Variants in TTN observed in about 807,000 individuals in gnomAD.
TTN encodes the protein connectin.
Under a neutral mutation model 3,223.0 loss-of-function variants are expected in TTN, and 1,525 were observed. The ratio of observed to expected loss-of-function variants is 0.47; its 90% CI spans 0.45 to 0.49. The LOEUF is 0.49. Ranked by LOEUF, TTN falls within the 20% of genes least tolerant of loss-of-function variation. The probability of loss-of-function intolerance (pLI) is 0.00; values close to 1 mark genes in which losing one functional copy is unlikely to be tolerated. For synonymous variants in TTN, 14,094 were observed against 15,161.0 expected (o/e 0.93, Z 5.17); for missense variants, 40,786 against 43,424.0 (o/e 0.94, Z 5.40).
chr2:178,548,828 T>C lies in TTN; in HGVS notation c.92798A>G (p.Gln30933Arg). Residue 30933 changes from glutamine to arginine, a missense_variant, in exon 339 of 363, where the codon CAG (glutamine) becomes CGG (arginine). Gln to Arg is a conservative substitution (Grantham distance 43). Coordinates refer to ENST00000589042, the MANE Select transcript of TTN (RefSeq NM_001267550.2). This position sits in a 1 kb window ranked among gnomAD's most constrained non-coding sequence, Gnocchi z 4.3. Reference sequence around the variant, plus strand: ...GGCCCCAGCTCTAACAACATGAGTCTGTTTGAAGTTTGCATCTATGTCTAA... The same window carrying C: ...GGCCCCAGCTCTAACAACATGAGTCCGTTTGAAGTTTGCATCTATGTCTAA... ...PELDIDANFK[Q>R]THVVRAGASI... 2 of 1,613,064 alleles carry C rather than the reference T, an allele frequency of 1.2e-6. No homozygotes were observed. The highest frequency in any genetic ancestry group is 1.7e-6 in the Non-Finnish European group (2 of 1,179,810).
In TTN at chr2:178,531,025, C is replaced by T. The variant is rs397517796; in HGVS notation, c.105590G>A (p.Gly35197Asp). Residue 35197 changes from glycine to aspartate, a missense_variant, in exon 358 of 363, where the codon GGC becomes GAC. Coordinates refer to ENST00000589042, the MANE Select transcript of TTN (RefSeq NM_001267550.2). ...GTTTTCTACCACCACGCTGTAATTGCCCTCATCGGAAGCCTGGACTGAAGA... is the reference window on the plus strand; with the variant it reads ...GTTTTCTACCACCACGCTGTAATTGTCCTCATCGGAAGCCTGGACTGAAGA... ...EISSVQASDE[G>D]NYSVVVENSE... The T allele has an allele frequency of 4.3e-5, 70 of 1,613,774 alleles. 1 individual carries two copies. The highest frequency in any genetic ancestry group is 3.3e-4 in the Middle Eastern group (2 of 6,082).
At position 178,611,067 on chromosome 2, in the gene TTN, T is replaced by A; in HGVS notation, c.51062A>T (p.Asp17021Val). The A allele has an allele frequency of 1.2e-6, 2 of 1,612,904 alleles. No individual in the cohort carries two copies. Among genetic ancestry groups the A allele is most frequent in the Non-Finnish European group, 8.5e-7 (1 of 1,179,200 alleles). Residue 17021 changes from aspartate to valine, a missense_variant, in exon 270 of 363, where the codon GAT (aspartate) becomes GTT (valine). Transcript: ENST00000589042. ...HLEVPKSVRA[D>V]AGIYTITLEN... Reference sequence around the variant, plus strand: ...CAGTGTAATGGTATAAATTCCGGCATCTGCACGGACACTCTTGGGAACTTC... The same window carrying A: ...CAGTGTAATGGTATAAATTCCGGCAACTGCACGGACACTCTTGGGAACTTC...
intron 310 of TTN, 45 bp downstream of exon 310, chr2:178,584,624 A>G (rs1313386689): frequency 6.2e-7 from 1 of 1,610,396 alleles, no homozygotes; most frequent in African/African-American, 1.3e-5. Context: ...ATTAAGTAAC[A>G]AACTAGAAAG....
intron 21 of TTN, 130 bp from the exon 22 acceptor site, chr2:178,780,335 T>C (rs548921845): frequency 2.9e-5 from 22 of 756,402 alleles, no homozygotes; most frequent in East Asian, 2.1e-4. Context: ...ATATCTACTA[T>C]TGAAGTGCTC....
rs371203499 is a variant in TTN at position 178,672,670 on chromosome 2, A to G, written c.34820T>C (p.Val11607Ala). Residue 11607 changes from valine to alanine, a missense_variant, in exon 153 of 363, where the codon GTT becomes GCT. Physicochemically the swap from Val to Ala is moderately conservative, Grantham distance 64. Transcript: ENST00000589042. ...GGGTGCCTCTTTTTTCTGAACAGGA[A>G]CAGGTACTTTTTCCTCAGGAATTTT... ...SKKIPEEKVP[V>A]PVQKKEAPPA... The G allele has an allele frequency of 8.1e-6, 13 of 1,609,600 alleles. No homozygotes were observed. The highest frequency in any genetic ancestry group is 9.3e-6 in the Non-Finnish European group (11 of 1,177,534).
rs1487106422 is a variant in TTN at position 178,528,208 on chromosome 2, AAG to A, written c.107377+64_107377+65del. The stretch of plus-strand genomic sequence containing the variant: ...GCTTCTTAGAGTTTTCTGTGCTTGA[AAG>A]AGAGGCAAAAAAACGATCTAAAGGC... On this transcript the variant is annotated intron_variant, in intron 361 of 362. Transcript: ENST00000589042. 5 of 1,524,496 alleles carry A rather than the reference AAG, an allele frequency of 3.3e-6. No homozygotes were observed. The East Asian group carries it at 6.8e-5, about 21-fold the overall frequency. 94.4% of individuals were successfully genotyped at this position (1,524,496 alleles called of 1,614,324 possible).
Position 178,631,070 on chromosome 2 carries a change from C to T in TTN, c.43978G>A (p.Gly14660Arg), listed in dbSNP as rs762795774. The T allele has an allele frequency of 1.2e-6, 2 of 1,613,304 alleles. No homozygotes were observed. Among genetic ancestry groups the T allele is most frequent in the Non-Finnish European group, 1.7e-6 (2 of 1,179,598 alleles). ...SDIGQYTCDC[G>R]TDKTSGKLDI... ...AGTTTTCCTGAGGTCTTATCTGTCC[C>T]ACAGTCACAGGTGTACTGTCCAATA... Residue 14660 changes from glycine to arginine, a missense_variant, in exon 237 of 363, where the codon GGG becomes AGG. Transcript: ENST00000589042.
chr2:178,725,140 A>G, intron 71 of TTN: 1 of 414,472 alleles, frequency 2.4e-6, no homozygotes. Context: ...CTGCTAATTG[A>G]TATAGACAGG....
chr2:178,682,339 G>A (rs1294593312), intron 135 of TTN, among the ~76,000 whole-genome samples: 1 of 151,954 alleles, frequency 6.6e-6, no homozygotes, highest in Non-Finnish European at 1.5e-5. Flanking sequence ...AATAAAGGAT[G>A]TTCAGAAATT....
intron 1 of TTN, among the ~76,000 whole-genome samples, chr2:178,805,343 C>CAAAA (rs34870064): frequency 3.3e-5 from 3 of 89,838 alleles, no homozygotes; most frequent in Admixed American, 1.2e-4. Flanking sequence ...GACTCTGTCT[C>CAAAA]AAAAAAAAAA....
At position 178,776,017 on chromosome 2, in the gene TTN, A is replaced by G. The variant is rs879049862; in HGVS notation, c.5847T>C (p.Phe1949=). 7 of 1,614,130 alleles carry G rather than the reference A, an allele frequency of 4.3e-6. No individual in the cohort carries two copies. Among genetic ancestry groups the G allele is most frequent in the Non-Finnish European group, 5.9e-6 (7 of 1,179,998 alleles). The change falls in exon 28 of 363, where the codon TTT becomes TTC. Residue 1949 remains phenylalanine, a synonymous_variant. Coordinates refer to ENST00000589042, the MANE Select transcript of TTN (RefSeq NM_001267550.2). The part of the protein sequence containing the change: ...LRRAPEPRPE[F]HVHEPGKLQF... Reference sequence around the variant, plus strand: ...GAAGCTTTCCTGGTTCATGTACGTGAAACTCAGGCCTTGGTTCAGGAGCTC... The same window carrying G: ...GAAGCTTTCCTGGTTCATGTACGTGGAACTCAGGCCTTGGTTCAGGAGCTC...
At chr2:178,596,278 A>G (rs1404212229) in intron 294 of TTN, among the ~76,000 whole-genome samples, 3 of 152,022 alleles carry the variant, frequency 2.0e-5, no homozygotes, top group Non-Finnish European at 4.4e-5. Flanking sequence ...GGTGTGAGCC[A>G]TAGCATCAAG....
rs2073033427 is a variant in TTN, at chr2:178,693,751, C to T, written c.31514-62G>A. 4 of 1,341,942 alleles carry T rather than the reference C, an allele frequency of 3.0e-6. No homozygotes were observed. The African/African-American group carries it at 6.0e-5, about 20-fold the overall frequency. The allele number at this position is 1,341,942 out of a possible 1,614,324, so 83.1% of individuals were successfully genotyped here. On this transcript the variant is annotated intron_variant, in intron 118 of 362. Transcript: ENST00000589042. ...TGTTGTGGGTGGTAATTGTAATTTA[C>T]AAAGAACATTAAAATAAAAATGAAA...
In TTN at chr2:178,636,658, T is replaced by C; in HGVS notation, c.41069A>G (p.Lys13690Arg). Residue 13690 changes from lysine to arginine, a missense_variant, in exon 225 of 363, where the codon AAA becomes AGA. Lys to Arg is a conservative substitution (Grantham distance 26). Coordinates refer to ENST00000589042, the MANE Select transcript of TTN (RefSeq NM_001267550.2). The surrounding 1 kb of genome is among the most constrained non-coding windows in gnomAD (Gnocchi z 4.3). Reference sequence around the variant, plus strand: ...CTCTGATTCTGTCAAGATGATGTCTTTGATTTCTTTCACAAACTTCAGTGG... The same window carrying C: ...CTCTGATTCTGTCAAGATGATGTCTCTGATTTCTTTCACAAACTTCAGTGG... ...AVPLKFVKEI[K>R]DIILTESEFV... 1.2e-6 allele frequency: 2 copies of C among 1,613,356 alleles called. No individual in the cohort carries two copies. Among genetic ancestry groups the C allele is most frequent in the South Asian group, 2.2e-5 (2 of 91,076 alleles).
intron 266 of TTN, 34 bp downstream of exon 266, chr2:178,612,243 C>T (rs1334958480): frequency 6.2e-7 from 1 of 1,607,172 alleles, no homozygotes; most frequent in Non-Finnish European, 8.5e-7. Flanking sequence ...TGCGAGAGCA[C>T]TTATTGTCAC....
At chr2:178,559,200 G>A (rs2154157590) in intron 326 of TTN, 111 bp downstream of exon 326, 4 of 983,336 alleles carry the variant, frequency 4.1e-6, no homozygotes, top group Non-Finnish European at 6.0e-6. Context: ...GGGGTGTGAA[G>A]GGTGTGAACC....
Position 178,537,629 on chromosome 2 carries a change from G to A in TTN, c.99578C>T (p.Thr33193Ile). 2 of 1,613,726 alleles carry A rather than the reference G, an allele frequency of 1.2e-6. No homozygotes were observed. The highest frequency in any genetic ancestry group is 1.7e-6 in the Non-Finnish European group (2 of 1,179,708). The change falls in exon 355 of 363, where the codon ACA becomes ATA. Residue 33193 changes from threonine (T) to isoleucine (I), a missense_variant. Coordinates refer to ENST00000589042, the MANE Select transcript of TTN (RefSeq NM_001267550.2). ...TGGGTAACCAGGATGGAACTGCGGT[G>A]TTGCTTGCAGGAGAAGCTTACTACT... Reference protein sequence around the residue: ...ETSSKLLLQATPQFHPGYPLK... With the variant: ...ETSSKLLLQAIPQFHPGYPLK...
At chr2:178,736,759 C>T (rs1262364968) in intron 49 of TTN, among the ~76,000 whole-genome samples, 1 of 152,108 alleles carries the variant, frequency 6.6e-6, no homozygotes, top group Non-Finnish European at 1.5e-5. Flanking sequence ...AAAGAAACTT[C>T]CAAACGCGTC....
chr2:178,717,069 T>C, intron 88 of TTN, 26 bp downstream of exon 88: 1 of 1,583,050 alleles, frequency 6.3e-7, no homozygotes, highest in Non-Finnish European at 8.6e-7. Flanking sequence ...GTAAAAGAGA[T>C]CTTGCTCCTT....
Sources: allele counts gnomAD v4.1 joint callset (sites outside exome capture counted in the v4.1 genomes callset), GRCh38; gene constraint gnomAD v4.1.1; non-coding constraint Gnocchi (gnomAD v3.1); transcripts MANE v1.5; gene names NCBI Gene and HGNC (gene_info 2026-07-23, HGNC 2026-07-21).